The following NFX1 variants were observed in gnomAD, a reference collection of about 807,000 sequenced individuals.
NFX1 encodes the protein transcriptional repressor NF-X1.
A neutral mutation model predicts 137.2 loss-of-function variants in NFX1; 69 were observed. The ratio of observed to expected loss-of-function variants is 0.50; its 90% CI spans 0.41 to 0.61. The LOEUF is 0.61. Ranked by LOEUF, NFX1 falls within the 20% of genes least tolerant of loss-of-function variation. NFX1 has a pLI of 0.00. For missense variants in NFX1, 1,167 were observed against 1,391.0 expected, an observed-to-expected ratio of 0.84 and a Z score of 2.56; for synonymous variants, 495 against 474.1, an observed-to-expected ratio of 1.04 and a Z score of -0.57.
intron 11 of NFX1, among the ~76,000 whole-genome samples, chr9:33,335,453 G>A (rs1481455644): frequency 3.3e-5 from 5 of 151,768 alleles, no homozygotes; most frequent in African/African-American, 7.3e-5. Flanking sequence ...GGCTGGTCTC[G>A]AACTCCTGGC....
At chr9:33,325,475 A>G (rs1471442271) in intron 9 of NFX1, among the ~76,000 whole-genome samples, 1 of 152,178 alleles carries the variant, frequency 6.6e-6, no homozygotes, top group Non-Finnish European at 1.5e-5. Flanking sequence ...CATCCTGGCT[A>G]ACACGGTGAA....
intron 19 of NFX1, 148 bp downstream of exon 19, chr9:33,355,040 A>G: frequency 1.4e-6 from 1 of 734,088 alleles, no homozygotes; most frequent in African/African-American, 1.8e-5. Context: ...CGTTACCAAG[A>G]ATTGAATTGT....
At position 33,303,254 on chromosome 9, in the gene NFX1, A is replaced by G. The variant is rs1821637933; in HGVS notation, c.1256A>G (p.Tyr419Cys). ...QNVSAHVPNT[Y>C]TCFCGKVKNP... ...GTTTCTGCACATGTTCCTAATACCT[A>G]CACTTGTTTCTGTGGTAAGTTTGTT... Residue 419 changes from tyrosine (Y) to cysteine (C), a missense_variant, in exon 4 of 24, where the codon TAC (tyrosine) becomes TGC (cysteine). By Grantham distance (194) the Tyr-to-Cys change is radical. Coordinates refer to ENST00000379540, the MANE Select transcript of NFX1 (RefSeq NM_002504.6). 1.2e-6 allele frequency: 2 copies of G among 1,613,746 alleles called. No individual in the cohort carries two copies. The highest frequency in any genetic ancestry group is 2.7e-5 in the African/African-American group (2 of 74,830).
chr9:33,297,047 T>G lies in NFX1; in HGVS notation c.1033+1620T>G, dbSNP rs573363093. The stretch of plus-strand genomic sequence containing the variant: ...TATTGAACTGAAAGCTTCTTTCCTT[T>G]CCTTCCTATCCTTTGGTTCAAGTTT... On this transcript the variant is annotated intron_variant, in intron 2 of 23. Coordinates refer to ENST00000379540, the MANE Select transcript of NFX1 (RefSeq NM_002504.6). Among the ~76,000 whole-genome samples the G allele has an allele frequency of 7.9e-5, 12 of 152,336 alleles. No homozygotes were observed. The South Asian group carries it at 2.5e-3, about 32-fold the overall frequency.
At chr9:33,302,357 A>ATTTT (rs33976056) in intron 3 of NFX1, among the ~76,000 whole-genome samples, 4 of 71,008 alleles carry the variant, frequency 5.6e-5, no homozygotes, top group Middle Eastern at 8.2e-3. Context: ...ATCTAACTGT[A>ATTTT]TTTTTTTTTT....
chr9:33,364,222 GT>G lies in NFX1; in HGVS notation c.2972+117del, dbSNP rs927391028. ...TGATTAAGCCAGTTCAAGTTTGTTTGTTTATCTATTGTAAGAGATTATGTGC... is the reference window on the plus strand; with the variant it reads ...TGATTAAGCCAGTTCAAGTTTGTTTGTTATCTATTGTAAGAGATTATGTGC... On this transcript the variant is annotated intron_variant, in intron 20 of 23. Coordinates refer to ENST00000379540, the MANE Select transcript of NFX1 (RefSeq NM_002504.6). 10 of 636,472 alleles carry G rather than the reference GT, an allele frequency of 1.6e-5. No individual in the cohort carries two copies. In the African/African-American group the frequency reaches 1.9e-4, roughly 12 times the overall value. 39.4% of individuals were successfully genotyped at this position (636,472 alleles called of 1,614,324 possible).
At chr9:33,366,526 TC>T in intron 21 of NFX1, 102 bp from the exon 22 acceptor site, 1 of 1,413,000 alleles carries the variant, frequency 7.1e-7, no homozygotes, top group East Asian at 2.3e-5. Flanking sequence ...GCCTCTAAAA[TC>T]ACCTCTTATT....
intron 19 of NFX1, among the ~76,000 whole-genome samples, chr9:33,362,237 A>C (rs1824019086): frequency 6.6e-6 from 1 of 152,182 alleles, no homozygotes; most frequent in Non-Finnish European, 1.5e-5. Context: ...TTAAAAATAG[A>C]ACTACCATAT....
chr9:33,365,022 C>T, intron 21 of NFX1: 4 of 1,269,868 alleles, frequency 3.1e-6, no homozygotes, highest in Non-Finnish European at 2.0e-6. Context: ...GCCTGTAATG[C>T]CAGCACTTTG....
intron 2 of NFX1, among the ~76,000 whole-genome samples, chr9:33,297,372 A>G (rs1821394357): frequency 6.6e-6 from 1 of 152,180 alleles, no homozygotes. Context: ...TGGAACCTCA[A>G]TGTATATGTG....
At chr9:33,347,424 A>G (rs879474142) in intron 15 of NFX1, among the ~76,000 whole-genome samples, 19 of 152,114 alleles carry the variant, frequency 1.2e-4, no homozygotes, top group Non-Finnish European at 2.8e-4. Flanking sequence ...CCTACTTCCA[A>G]CTTCTGAAAA....
At chr9:33,320,086 C>G (rs554106665) in intron 9 of NFX1, among the ~76,000 whole-genome samples, 1 of 151,728 alleles carries the variant, frequency 6.6e-6, no homozygotes, top group East Asian at 1.9e-4. Context: ...CTTGGCCTCC[C>G]GAGTAGCTGG....
chr9:33,358,434 T>A (rs1441034378), intron 19 of NFX1, among the ~76,000 whole-genome samples: 2 of 152,000 alleles, frequency 1.3e-5, no homozygotes, highest in African/African-American at 4.8e-5. Flanking sequence ...AACTTTTAAT[T>A]TTTTTTAAAT....
At position 33,295,369 on chromosome 9, in the gene NFX1, A is replaced by G. The variant is rs755564182; in HGVS notation, c.975A>G (p.Val325=). The G allele has an allele frequency of 3.1e-6, 5 of 1,614,142 alleles. No homozygotes were observed. Among genetic ancestry groups the G allele is most frequent in the Admixed American group, 3.3e-5 (2 of 60,024 alleles). Residue 325 remains valine (V), a synonymous_variant, in exon 2 of 24, where the codon GTA becomes GTG. Transcript: ENST00000379540. ...TACGGAGGCAGGATCCTCAAGTAGT[A>G]TCTCCTTTCTCCCGAGGCAAACAGA... is the stretch of plus-strand genomic sequence containing the variant. ...CTVRRQDPQV[V]SPFSRGKQNH... is the part of the protein sequence containing the mutation.
chr9:33,338,371 C>CA (rs933963290), intron 11 of NFX1, 139 bp from the exon 12 acceptor site: 97 of 775,760 alleles, frequency 1.3e-4, no homozygotes, highest in Non-Finnish European at 1.3e-4. Flanking sequence ...CAAAACAAAA[C>CA]AAAAAAAACT....
At chr9:33,319,912 A>T (rs1822319815) in intron 9 of NFX1, among the ~76,000 whole-genome samples, 2 of 151,980 alleles carry the variant, frequency 1.3e-5, no homozygotes, top group Admixed American at 1.3e-4. Flanking sequence ...GGATACGAGG[A>T]TAGCACCTAT....
At chr9:33,320,066 A>G (rs1326144262) in intron 9 of NFX1, among the ~76,000 whole-genome samples, 2 of 151,648 alleles carry the variant, frequency 1.3e-5, no homozygotes, top group Non-Finnish European at 2.9e-5. Context: ...GGTTCAAGCA[A>G]TTCTCCTGCC....
In NFX1 at chr9:33,300,956, C is replaced by T. The variant is rs113313466; in HGVS notation, c.1034-307C>T. On this transcript the variant is annotated intron_variant, in intron 2 of 23. Transcript: ENST00000379540. ...AAATGCAAAGCAAGATCCTGTATTG[C>T]CCAGTGGATCCTCAGGCTATGTTAC... Among the ~76,000 whole-genome samples, 4 of 152,320 alleles carry T rather than the reference C, an allele frequency of 2.6e-5. 1 individual carries two copies. Among genetic ancestry groups the T allele is most frequent in the African/African-American group, 9.6e-5 (4 of 41,564 alleles).
intron 19 of NFX1, among the ~76,000 whole-genome samples, chr9:33,359,078 TA>T (rs1369334778): frequency 2.0e-5 from 3 of 152,206 alleles, no homozygotes; most frequent in Non-Finnish European, 4.4e-5. Flanking sequence ...GCAACCTCGC[TA>T]AATTCACTTA....
Sources: gnomAD v4.1 joint callset for allele counts (sites outside exome capture counted in the v4.1 genomes callset) on GRCh38, gnomAD v4.1.1 for gene constraint, MANE v1.5 for transcripts, NCBI Gene and HGNC (gene_info 2026-07-23, HGNC 2026-07-21) for gene names.